GREB1: variants seen among roughly 807,000 people sequenced by gnomAD.
The protein encoded by GREB1 is growth regulating estrogen receptor binding 1, also known as protein GREB1.
A neutral mutation model predicts 200.7 loss-of-function variants in GREB1; 106 were observed. That is an observed-to-expected ratio of 0.53 (90% confidence interval 0.45 to 0.62). The LOEUF is 0.62. Ranked by LOEUF, GREB1 falls within the 20% of genes least tolerant of loss-of-function variation. GREB1 has a pLI of 0.00. For missense variants in GREB1, 2,243 were observed against 2,556.8 expected (o/e 0.88, Z 2.65); for synonymous variants, 1,132 against 1,092.4 (o/e 1.04, Z -0.72).
In GREB1 at chr2:11,580,722, C is replaced by G. The variant is rs760875680; in HGVS notation, c.791C>G (p.Pro264Arg). Residue 264 changes from proline (P) to arginine (R), a missense_variant, in exon 7 of 33, where the codon CCC (proline) becomes CGC (arginine). By Grantham distance (103) the Pro-to-Arg change is moderately radical. Coordinates refer to ENST00000381486, the MANE Select transcript of GREB1 (RefSeq NM_014668.4). The surrounding 1 kb of genome is among the most constrained non-coding windows in gnomAD (Gnocchi z 4.5). Reference sequence around the variant, plus strand: ...TTTTCAGGACCAGCTTCTGATCACCCCTCACTAAACGCAGCAATGGGTCCG... The same window carrying G: ...TTTTCAGGACCAGCTTCTGATCACCGCTCACTAAACGCAGCAATGGGTCCG... ...AQQAGPASDH[P>R]SLNAAMGPAV... 1 of 1,613,630 alleles carries G rather than the reference C, an allele frequency of 6.2e-7. No homozygotes were observed. Among genetic ancestry groups the G allele is most frequent in the Admixed American group, 1.7e-5 (1 of 59,992 alleles).
intron 4 of GREB1, among the ~76,000 whole-genome samples, chr2:11,567,150 GTCTC>G (rs1196159743): frequency 2.0e-5 from 3 of 152,158 alleles, no homozygotes; most frequent in Non-Finnish European, 2.9e-5. Context: ...TTGAGACAGA[GTCTC>G]TCTCTGTCGC....
chr2:11,515,931 C>T lies in GREB1; in HGVS notation c.-159+33550C>T, dbSNP rs189285540. On this transcript the variant is annotated intron_variant, in intron 1 of 2. Transcript: ENST00000628795. Reference sequence around the variant, plus strand: ...CCTTAGGGAGGCAGATTTAGCCAGGCAAGACAGCACTTCGGGCATGCCGCA... The same window carrying T: ...CCTTAGGGAGGCAGATTTAGCCAGGTAAGACAGCACTTCGGGCATGCCGCA... Among the ~76,000 whole-genome samples the T allele has an allele frequency of 4.2e-3, 636 of 152,320 alleles. 1 individual carries two copies. The highest frequency in any genetic ancestry group is 6.9e-3 in the Non-Finnish European group (467 of 68,028).
intron 18 of GREB1, among the ~76,000 whole-genome samples, chr2:11,611,718 TG>T (rs1274785312): frequency 2.0e-5 from 3 of 152,060 alleles, no homozygotes; most frequent in African/African-American, 7.2e-5. Flanking sequence ...TCCCAGATGG[TG>T]GGGGGCAATG....
intron 7 of GREB1, among the ~76,000 whole-genome samples, chr2:11,582,288 G>T (rs767867481): frequency 4.6e-5 from 7 of 152,196 alleles, no homozygotes; most frequent in African/African-American, 1.7e-4. Flanking sequence ...GCCATGCTCC[G>T]TGGAGGGGTG....
chr2:11,558,937 C>G (rs1347085339), intron 2 of GREB1, among the ~76,000 whole-genome samples: 1 of 152,002 alleles, frequency 6.6e-6, no homozygotes, highest in Non-Finnish European at 1.5e-5. Context: ...CCTACCACCT[C>G]CTTTAGGGGA....
At chr2:11,485,896 G>C (rs753969024) in intron 1 of GREB1, among the ~76,000 whole-genome samples, 2 of 152,166 alleles carry the variant, frequency 1.3e-5, no homozygotes, top group Non-Finnish European at 2.9e-5. Context: ...ATCAGGATGG[G>C]AAGAAGATAA....
At chr2:11,484,426 T>C (rs1395705683) in intron 1 of GREB1, among the ~76,000 whole-genome samples, 2 of 152,136 alleles carry the variant, frequency 1.3e-5, no homozygotes, top group Non-Finnish European at 2.9e-5. Flanking sequence ...TCTGCTGTTC[T>C]TGCAGGGACA....
rs1672822945 is a variant in GREB1, at chr2:11,493,930, G to A, written c.-159+11549G>A. Among the ~76,000 whole-genome samples, 1 of 152,070 alleles carries A rather than the reference G, an allele frequency of 6.6e-6. No individual in the cohort carries two copies. Among genetic ancestry groups the A allele is most frequent in the Admixed American group, 6.5e-5 (1 of 15,284 alleles). ...GGTAGAATTTGAGCTGGTGTGTTTG[G>A]GGGCTTAGGAGAAATGAATCTGATG... On this transcript the variant is annotated intron_variant, in intron 1 of 2. Transcript: ENST00000628795. The surrounding 1 kb of genome is among the most constrained non-coding windows in gnomAD (Gnocchi z 4.6).
Position 11,527,211 on chromosome 2 carries a change from C to T in GREB1, c.-158-29246C>T, listed in dbSNP as rs185437791. Among the ~76,000 whole-genome samples the T allele has an allele frequency of 8.5e-5, 13 of 152,160 alleles. No homozygotes were observed. In the East Asian group the frequency reaches 2.5e-3, roughly 29 times the overall value. ...AGTCATTGCTTATTTTTTGAATGCA[C>T]CTATTGCTATCATGCGGTCAAAAAA... On this transcript the variant is annotated intron_variant, in intron 1 of 2. Coordinates refer to the GREB1 transcript ENST00000628795.
At chr2:11,578,200 C>A (rs1000356596) in intron 5 of GREB1, 97 bp from the exon 6 acceptor site, 1 of 1,332,684 alleles carries the variant, frequency 7.5e-7, no homozygotes, top group African/African-American at 1.4e-5. Context: ...GTCTCCATAG[C>A]TCACTGTCCT....
chr2:11,620,915 C>T lies in GREB1; in HGVS notation c.4055C>T (p.Thr1352Ile), dbSNP rs1389272803. 6.2e-6 allele frequency: 10 copies of T among 1,606,538 alleles called. No individual in the cohort carries two copies. The highest frequency in any genetic ancestry group is 8.5e-6 in the Non-Finnish European group (10 of 1,173,174). Residue 1352 changes from threonine to isoleucine, a missense_variant, in exon 23 of 33, where the codon ACA becomes ATA. Physicochemically the swap from Thr to Ile is moderately conservative, Grantham distance 89. This residue lies in a region of GREB1 where 587 missense variants were observed against 553.1 expected (regional missense o/e 1.06). Transcript: ENST00000381486. ...LLSGPPQIGK[T>I]GAYLQFLSVL... ...CCTATACCTTTACAGATCGGGAAGACAGGTGCCTACCTGCAGTTCCTCAGT... is the reference window on the plus strand; with the variant it reads ...CCTATACCTTTACAGATCGGGAAGATAGGTGCCTACCTGCAGTTCCTCAGT...
At position 11,612,446 on chromosome 2, in the gene GREB1, G is replaced by A. The variant is rs760738098; in HGVS notation, c.3007-49G>A. The A allele has an allele frequency of 9.2e-6, 14 of 1,528,692 alleles. No homozygotes were observed. The African/African-American group carries it at 1.5e-4, about 16-fold the overall frequency. 94.7% of individuals were successfully genotyped at this position (1,528,692 alleles called of 1,614,324 possible). On this transcript the variant is annotated intron_variant, in intron 18 of 32. Transcript: ENST00000381486. Reference sequence around the variant, plus strand: ...ATCAGGATTCCTCTGAGCTGGGCTGGTTGGGAAGGGAGGCGTCTGTGGCTT... The same window carrying A: ...ATCAGGATTCCTCTGAGCTGGGCTGATTGGGAAGGGAGGCGTCTGTGGCTT...
chr2:11,518,615 C>T (rs1268356909), intron 1 of GREB1, among the ~76,000 whole-genome samples: 1 of 152,024 alleles, frequency 6.6e-6, no homozygotes, highest in Non-Finnish European at 1.5e-5. Flanking sequence ...TGCAGCATCT[C>T]CTTTAATCAA....
At chr2:11,637,148 G>T (rs1433660419) in intron 30 of GREB1, among the ~76,000 whole-genome samples, 5 of 152,252 alleles carry the variant, frequency 3.3e-5, no homozygotes, top group Middle Eastern at 3.4e-3. Flanking sequence ...GAGCGAGGAG[G>T]TCGGTATGGA....
intron 2 of GREB1, among the ~76,000 whole-genome samples, chr2:11,562,179 C>T (rs1042024428): frequency 3.9e-5 from 6 of 152,198 alleles, no homozygotes; most frequent in Admixed American, 1.3e-4. Context: ...GTCTGTGTGC[C>T]GTGTGACCTT....
chr2:11,520,373 C>T (rs1673660612), intron 1 of GREB1, among the ~76,000 whole-genome samples: 2 of 152,174 alleles, frequency 1.3e-5, no homozygotes, highest in African/African-American at 4.8e-5. Context: ...TCTCACTGGG[C>T]TAGATTCATG....
chr2:11,610,110 G>A lies in GREB1; in HGVS notation c.2667-578G>A, dbSNP rs1010865912. ...TGTGGGGACACAGATAGTAACCACAGTTTCTGAAGCAAAAACTGGGATTCT... is the reference window on the plus strand; with the variant it reads ...TGTGGGGACACAGATAGTAACCACAATTTCTGAAGCAAAAACTGGGATTCT... On this transcript the variant is annotated intron_variant, in intron 17 of 32. Transcript: ENST00000381486. Among the ~76,000 whole-genome samples, 3 of 152,354 alleles carry A rather than the reference G, an allele frequency of 2.0e-5. No individual in the cohort carries two copies. The South Asian group carries it at 6.2e-4, about 32-fold the overall frequency.
rs904134184 is a variant in GREB1, at chr2:11,597,426, T to C, written c.1955-355T>C. The stretch of plus-strand genomic sequence containing the variant: ...AAATGACTGTCGTGTTAGTTTTCTT[T>C]TCTGGAGAGTTTGCAGTCCTCTTCC... On this transcript the variant is annotated intron_variant, in intron 13 of 32. Transcript: ENST00000381486. This position sits in a 1 kb window ranked among gnomAD's most constrained non-coding sequence, Gnocchi z 4.1. 2.6e-5 allele frequency among the ~76,000 whole-genome samples: 4 copies of C among 152,156 alleles called. No homozygotes were observed. Among genetic ancestry groups the C allele is most frequent in the African/African-American group, 7.2e-5 (3 of 41,428 alleles).
At chr2:11,538,692 T>TC (rs1674441598) in intron 1 of GREB1, among the ~76,000 whole-genome samples, 1 of 81,100 alleles carries the variant, frequency 1.2e-5, no homozygotes, top group Non-Finnish European at 2.6e-5. Context: ...TTTCTTTCCT[T>TC]CCTCCCTCCC....
Sources: gnomAD v4.1 joint callset for allele counts (sites outside exome capture counted in the v4.1 genomes callset) on GRCh38, gnomAD v4.1.1 for gene constraint, gnomAD v4.1.1 regional missense constraint, Gnocchi (gnomAD v3.1) non-coding constraint, MANE v1.5 for transcripts, NCBI Gene and HGNC (gene_info 2026-07-23, HGNC 2026-07-21) for gene names.